Variants in ENTPD1 observed in about 807,000 individuals in gnomAD.
ENTPD1 encodes the protein ATP diphosphohydrolase.
ENTPD1 carries 33 observed loss-of-function variants against 57.0 expected under a neutral mutation model. That is an observed-to-expected ratio of 0.58 (90% CI 0.44 to 0.77). The LOEUF (loss-of-function observed/expected upper bound fraction) is 0.77. Among genes scored for constraint, ENTPD1 ranks in the 30% least tolerant of loss-of-function variants. The pLI, the probability that ENTPD1 is intolerant of heterozygous loss-of-function variation, is 0.00. For synonymous variants in ENTPD1, 202 were observed against 218.8 expected (o/e 0.92, Z 0.68); for missense variants, 501 against 603.4 (o/e 0.83, Z 1.78).
chr10:95,813,149 G>T (rs757742711), intron 1 of ENTPD1, among the ~76,000 whole-genome samples: 7 of 152,200 alleles, frequency 4.6e-5, no homozygotes, highest in Non-Finnish European at 8.8e-5. Flanking sequence ...CAGCCTGCAG[G>T]ATGGCCATTT....
chr10:95,847,890 G>A (rs988582385), intron 7 of ENTPD1, among the ~76,000 whole-genome samples, 184 bp downstream of exon 7: 2 of 152,160 alleles, frequency 1.3e-5, no homozygotes, highest in Admixed American at 1.3e-4. Context: ...CACTATCGTT[G>A]TGATCTTTTT....
chr10:95,717,497 T>A (rs939895075), intron 1 of ENTPD1, among the ~76,000 whole-genome samples: 4 of 152,138 alleles, frequency 2.6e-5, no homozygotes, highest in Admixed American at 2.0e-4. Context: ...TCAGGTGATA[T>A]ATGATTTGAC....
rs1338281858 is a variant in ENTPD1 at position 95,869,569 on chromosome 10, G to C, written c.*3186G>C. On this transcript the variant is annotated 3_prime_UTR_variant, in exon 10 of 10. Coordinates refer to ENST00000371205, the MANE Select transcript of ENTPD1 (RefSeq NM_001776.6). ...CTGGCCAGAAGTGGTTACTTCTGTAGACAAAAGAATAATGCTACTTAATCA... is the reference window on the plus strand; with the variant it reads ...CTGGCCAGAAGTGGTTACTTCTGTACACAAAAGAATAATGCTACTTAATCA... The C allele has an allele frequency of 2.0e-6, 2 of 985,206 alleles. No individual in the cohort carries two copies. Among genetic ancestry groups the C allele is most frequent in the African/African-American group, 3.5e-5 (2 of 57,270 alleles). The allele number at this position is 985,206 out of a possible 1,614,324, so 61.0% of individuals were successfully genotyped here. A position where few individuals can be genotyped will look rare whatever the true frequency, so the allele number is the denominator to read the frequency against.
rs191276942 is a variant in ENTPD1, at chr10:95,868,562, T to C, written c.*2179T>C. 4.6e-4 allele frequency: 456 copies of C among 985,424 alleles called. No homozygotes were observed. Among genetic ancestry groups the C allele is most frequent in the Admixed American group, 6.1e-4 (10 of 16,284 alleles). 61.0% of individuals were successfully genotyped at this position (985,424 alleles called of 1,614,324 possible). A position where few individuals can be genotyped will look rare whatever the true frequency, so the allele number is the denominator to read the frequency against. ...GAGCCAATAACAGCCGCTTTTTTCC[T>C]TCTGTCTGCGTATACAAAGCACTGT... On this transcript the variant is annotated 3_prime_UTR_variant, in exon 10 of 10. Transcript: ENST00000371205.
chr10:95,756,929 A>G (rs2098028613), intron 1 of ENTPD1, among the ~76,000 whole-genome samples: 1 of 152,208 alleles, frequency 6.6e-6, no homozygotes, highest in Non-Finnish European at 1.5e-5. Context: ...GATTTTGTCT[A>G]AAAACTACAA....
intron 1 of ENTPD1, among the ~76,000 whole-genome samples, chr10:95,777,817 C>T (rs1049802651): frequency 2.0e-5 from 3 of 152,212 alleles, no homozygotes; most frequent in South Asian, 2.1e-4. Flanking sequence ...CTGCCCAGTT[C>T]GATCTTCCAG....
intron 1 of ENTPD1, among the ~76,000 whole-genome samples, chr10:95,726,530 TA>T (rs1300452994): frequency 6.6e-6 from 1 of 152,218 alleles, no homozygotes; most frequent in African/African-American, 2.4e-5. Context: ...TCCTCAAGAA[TA>T]TTTGTGCTAG....
At chr10:95,809,534 C>T (rs527709268) in intron 1 of ENTPD1, among the ~76,000 whole-genome samples, 15 of 131,418 alleles carry the variant, frequency 1.1e-4, no homozygotes, top group Non-Finnish European at 2.2e-4. Flanking sequence ...TGGGCAGAGG[C>T]GCCCCCCACC....
chr10:95,849,152 T>A (rs563078521), intron 7 of ENTPD1, among the ~76,000 whole-genome samples: 2 of 152,332 alleles, frequency 1.3e-5, no homozygotes, highest in Admixed American at 1.3e-4. Flanking sequence ...ATTTTCTTAA[T>A]AACTCCAGAA....
intron 9 of ENTPD1, among the ~76,000 whole-genome samples, chr10:95,865,384 C>T (rs1371389512): frequency 6.6e-6 from 1 of 152,220 alleles, no homozygotes; most frequent in Non-Finnish European, 1.5e-5. Context: ...AACCTCAATG[C>T]TGTGCTTTAC....
intron 7 of ENTPD1, 36 bp downstream of exon 7, chr10:95,847,742 G>A: frequency 6.2e-7 from 1 of 1,613,706 alleles, no homozygotes; most frequent in Non-Finnish European, 8.5e-7. Flanking sequence ...AGGATGTCTT[G>A]TTTACAAGTT....
chr10:95,715,829 T>C (rs575509311), intron 1 of ENTPD1, among the ~76,000 whole-genome samples: 50 of 152,280 alleles, frequency 3.3e-4, no homozygotes, highest in African/African-American at 1.2e-3. Flanking sequence ...CATTTCCCTC[T>C]CCCTCATCCC....
At chr10:95,805,711 G>A (rs1275490209) in intron 1 of ENTPD1, among the ~76,000 whole-genome samples, 1 of 152,132 alleles carries the variant, frequency 6.6e-6, no homozygotes. Flanking sequence ...CTCAGTGTTT[G>A]CTTGTCTGTA....
chr10:95,858,886 A>T (rs1052347073), intron 7 of ENTPD1, among the ~76,000 whole-genome samples: 6 of 152,198 alleles, frequency 3.9e-5, no homozygotes, highest in Non-Finnish European at 8.8e-5. Flanking sequence ...GCCCCAGCTG[A>T]CTTGGAGGGA....
intron 1 of ENTPD1, among the ~76,000 whole-genome samples, chr10:95,797,681 G>C (rs755501465): frequency 1.3e-5 from 2 of 152,116 alleles, no homozygotes; most frequent in Non-Finnish European, 1.5e-5. Context: ...GAGGTGCCAG[G>C]CTCTTTTAAA....
chr10:95,758,002 C>CAA (rs57407553), intron 1 of ENTPD1, among the ~76,000 whole-genome samples: 307 of 26,338 alleles, frequency 0.012, 22 homozygotes, highest in Non-Finnish European at 0.016. Context: ...GACACTGTCT[C>CAA]AAAAAAAAAA....
At chr10:95,863,842 G>A (rs976648101) in intron 8 of ENTPD1, among the ~76,000 whole-genome samples, 3 of 152,186 alleles carry the variant, frequency 2.0e-5, no homozygotes, top group African/African-American at 7.2e-5. Flanking sequence ...GGGTATCCAG[G>A]AGGGAATGCC....
At position 95,724,529 on chromosome 10, in the gene ENTPD1, G is replaced by A. The variant is rs368920610; in HGVS notation, c.37+12536G>A. Among the ~76,000 whole-genome samples the A allele has an allele frequency of 1.1e-4, 16 of 152,288 alleles. No individual in the cohort carries two copies. The South Asian group carries it at 2.1e-3, about 20-fold the overall frequency. On this transcript the variant is annotated intron_variant, in intron 1 of 9. Coordinates refer to the ENTPD1 transcript ENST00000453258. ...GAGTGTTATAGCTCTATTAGAAGCC[G>A]TGGGTCATGGAAGAGAACCATGGAA...
chr10:95,753,916 A>G, upstream of ENTPD1: 1 of 152,580 alleles, frequency 6.6e-6, no homozygotes, highest in African/African-American at 2.4e-5. Flanking sequence ...GAATCACTTG[A>G]ACCTGGGAGG....
Sources: allele counts gnomAD v4.1 joint callset (sites outside exome capture counted in the v4.1 genomes callset), GRCh38; gene constraint gnomAD v4.1.1; transcripts MANE v1.5; gene names NCBI Gene and HGNC (gene_info 2026-07-23, HGNC 2026-07-21).